The following BRAT1 variants were observed in gnomAD, a reference collection of about 807,000 sequenced individuals.
BRAT1 encodes the protein BRCA1 associated ATM activator 1.
BRAT1 carries 74 observed loss-of-function variants against 70.6 expected under a neutral mutation model. That is an observed-to-expected ratio of 1.05 (90% confidence interval 0.87 to 1.27). The LOEUF (loss-of-function observed/expected upper bound fraction) is 1.27. Among genes scored for constraint, BRAT1 ranks in the 50% most tolerant of loss-of-function variants. BRAT1 has a pLI of 0.00. For missense variants in BRAT1, 1,203 were observed against 1,098.2 expected (o/e 1.10, Z -1.35); for synonymous variants, 615 against 517.1 (o/e 1.19, Z -2.57).
chr7:2,545,190 C>T, intron 3 of BRAT1, 134 bp from the exon 4 acceptor site: 1 of 996,290 alleles, frequency 1.0e-6, no homozygotes, highest in Non-Finnish European at 1.4e-6. Flanking sequence ...ATGGTGAAAC[C>T]CCATCTCTAC....
intron 2 of BRAT1, among the ~76,000 whole-genome samples, chr7:2,552,903 ATTT>A (rs11309965): frequency 7.0e-6 from 1 of 142,810 alleles, no homozygotes; most frequent in African/African-American, 2.6e-5. Context: ...ACGTCTGGCT[ATTT>A]TTTTTTTTTT....
chr7:2,550,467 C>CAAAAAAAAAAAAAAAAAAAAAAAAA (rs71550358), intron 2 of BRAT1, among the ~76,000 whole-genome samples: 1 of 32,678 alleles, frequency 3.1e-5, no homozygotes, highest in Non-Finnish European at 5.7e-5. Context: ...GACTCCATCT[C>CAAAAAAAAAAAAAAAAAAAAAAAAA]AAAAAAAAAA....
intron 6 of BRAT1, 63 bp from the exon 7 acceptor site, chr7:2,542,274 A>C: frequency 7.2e-7 from 1 of 1,381,338 alleles, no homozygotes; most frequent in South Asian, 1.2e-5. Context: ...CTGTGCTCCT[A>C]ATGTCCCCAG....
Position 2,541,422 on chromosome 7 carries a change from C to A in BRAT1, c.1197G>T (p.Arg399=). The A allele has an allele frequency of 6.3e-7, 1 of 1,589,810 alleles. No individual in the cohort carries two copies. The highest frequency in any genetic ancestry group is 1.8e-5 in the Admixed American group (1 of 55,896). Residue 399 remains arginine, a synonymous_variant, in exon 9 of 14, where the codon CGG becomes CGT. Transcript: ENST00000340611. ...SLLGATVTVL[R]LCDGSAAPAS... Reference sequence around the variant, plus strand: ...CAGGGGCAGCCGAGCCGTCACAGAGCCGCAGGACAGTCACTGTAGCCCCCA... The same window carrying A: ...CAGGGGCAGCCGAGCCGTCACAGAGACGCAGGACAGTCACTGTAGCCCCCA...
intron 2 of BRAT1, among the ~76,000 whole-genome samples, chr7:2,549,524 AAAAG>A (rs1239830705): frequency 3.9e-5 from 6 of 152,254 alleles, no homozygotes; most frequent in Non-Finnish European, 7.3e-5. Flanking sequence ...GGAAAGATTT[AAAAG>A]AAAAAAAAAA....
In BRAT1 at chr7:2,539,331, C is replaced by G; in HGVS notation, c.1618G>C (p.Ala540Pro). ...HWGGQADFRC[A>P]LLASEVPQLA... is the part of the protein sequence containing the mutation. ...TGAGGCACCTCTGAAGCCAAGAGTG[C>G]GCATCTGAAGTCAGCCTGTCCTGGG... The change falls in exon 13 of 14, where the codon GCA becomes CCA. Residue 540 changes from alanine to proline, a missense_variant. Transcript: ENST00000340611. 1 of 1,610,432 alleles carries G rather than the reference C, an allele frequency of 6.2e-7. No individual in the cohort carries two copies. The highest frequency in any genetic ancestry group is 8.5e-7 in the Non-Finnish European group (1 of 1,178,740).
At chr7:2,545,199 A>G (rs753104125) in intron 3 of BRAT1, 143 bp from the exon 4 acceptor site, 15 of 946,900 alleles carry the variant, frequency 1.6e-5, no homozygotes, top group Non-Finnish European at 1.9e-5. Context: ...CCCCATCTCT[A>G]CTAGAAATAC....
chr7:2,553,320 C>T (rs192578001), intron 2 of BRAT1, among the ~76,000 whole-genome samples: 2 of 152,196 alleles, frequency 1.3e-5, no homozygotes, highest in Admixed American at 6.5e-5. Flanking sequence ...CATGAGTCAC[C>T]GCGCCTGACC....
At chr7:2,539,129 A>C in intron 13 of BRAT1, 50 bp downstream of exon 13, 1 of 1,552,546 alleles carries the variant, frequency 6.4e-7, no homozygotes, top group South Asian at 1.2e-5. Context: ...AAACGAGCAC[A>C]CACGATGGCC....
intron 3 of BRAT1, among the ~76,000 whole-genome samples, chr7:2,545,362 T>TAAAAAAAAA (rs1779525296): frequency 3.8e-5 from 1 of 26,004 alleles, no homozygotes; most frequent in Non-Finnish European, 6.0e-5. Flanking sequence ...AGACTCCATC[T>TAAAAAAAAA]CAAAAAAAAA....
At position 2,554,253 on chromosome 7, in the gene BRAT1, C is replaced by T. The variant is rs1780246161; in HGVS notation, c.127+52G>A. On this transcript the variant is annotated intron_variant, in intron 2 of 13. Coordinates refer to ENST00000340611, the MANE Select transcript of BRAT1 (RefSeq NM_152743.4). The stretch of plus-strand genomic sequence containing the variant: ...ATCTGGCCCCTGCTCCCTGTCCCAG[C>T]CTCTGCGTCTGGTCTCTGGATAGGC... The T allele has an allele frequency of 5.6e-6, 9 of 1,600,558 alleles. No individual in the cohort carries two copies. The South Asian group carries it at 1.0e-4, about 18-fold the overall frequency.
intron 10 of BRAT1, chr7:2,540,658 A>C (rs958516111): frequency 5.0e-5 from 15 of 302,140 alleles, no homozygotes; most frequent in African/African-American, 3.3e-4. Context: ...AATGGCGCTT[A>C]GGAGAACCCA....
intron 4 of BRAT1, chr7:2,544,204 T>TTTTTTTG (rs1459625746): frequency 2.5e-5 from 9 of 353,212 alleles, no homozygotes; most frequent in African/African-American, 4.6e-5. Context: ...CTTGTTGTTT[T>TTTTTTTG]TTTTTTTTTT....
intron 10 of BRAT1, 22 bp downstream of exon 10, chr7:2,540,957 C>T (rs1299885460): frequency 1.3e-6 from 2 of 1,519,124 alleles, no homozygotes; most frequent in African/African-American, 1.4e-5. Flanking sequence ...CCTCTCCTCG[C>T]TCTCTATCCC....
At chr7:2,549,134 G>A (rs1332832668) in intron 2 of BRAT1, among the ~76,000 whole-genome samples, 1 of 152,178 alleles carries the variant, frequency 6.6e-6, no homozygotes, top group Non-Finnish European at 1.5e-5. Flanking sequence ...CCTGGATAGA[G>A]AATGGAAAGT....
chr7:2,544,887 G>A, intron 4 of BRAT1, 22 bp downstream of exon 4: 1 of 1,548,074 alleles, frequency 6.5e-7, no homozygotes, highest in East Asian at 2.4e-5. Context: ...TGAGGAATGG[G>A]GTGGGGTGTG....
chr7:2,544,069 T>A (rs1779403004), intron 4 of BRAT1, 107 bp from the exon 5 acceptor site: 2 of 885,412 alleles, frequency 2.3e-6, no homozygotes, highest in Non-Finnish European at 3.2e-6. Context: ...CCCCCCAAGA[T>A]GCCCCCAAAT....
intron 1 of BRAT1, 151 bp from the exon 2 acceptor site, chr7:2,554,598 T>C: frequency 9.7e-7 from 1 of 1,030,618 alleles, no homozygotes. Flanking sequence ...AGACCAGAGG[T>C]CTGTACTGCA....
At position 2,538,734 on chromosome 7, in the gene BRAT1, A is replaced by C; in HGVS notation, c.1801T>G (p.Ser601Ala). 6.3e-7 allele frequency: 1 copy of C among 1,598,312 alleles called. No homozygotes were observed. Among genetic ancestry groups the C allele is most frequent in the South Asian group, 1.1e-5 (1 of 91,082 alleles). ...CGTGGGAAGCCCTCCGAGTCTACGG[A>C]GAGGATGTGCAGGAGCTCCAGGAAC... ...SLFLELLHIL[S>A]VDSEGFPRRA... Residue 601 changes from serine (S) to alanine (A), a missense_variant, in exon 14 of 14, where the codon TCC becomes GCC. Transcript: ENST00000340611.
Sources: allele counts gnomAD v4.1 joint callset (sites outside exome capture counted in the v4.1 genomes callset), GRCh38; gene constraint gnomAD v4.1.1; transcripts MANE v1.5; gene names NCBI Gene and HGNC (gene_info 2026-07-23, HGNC 2026-07-21).